The following MYO18B variants were observed in gnomAD, a reference collection of about 807,000 sequenced individuals.
MYO18B encodes myosin XVIIIB.
In MYO18B, 204 loss-of-function variants were observed where a neutral mutation model predicts 273.0. The observed-to-expected ratio is 0.75, with a 90% CI of 0.67 to 0.84. The LOEUF is 0.84. Among genes scored for constraint, MYO18B ranks in the 40% least tolerant of loss-of-function variants. The pLI is 0.00. For missense variants in MYO18B, 3,212 were observed against 3,287.6 expected, an observed-to-expected ratio of 0.98 and a Z score of 0.56; for synonymous variants, 1,330 against 1,305.7, an observed-to-expected ratio of 1.02 and a Z score of -0.40.
Position 25,828,870 on chromosome 22 carries a change from G to A in MYO18B, c.2881G>A (p.Ala961Thr). Residue 961 changes from alanine (A) to threonine (T), a missense_variant, in exon 15 of 44, where the codon GCC (alanine) becomes ACC (threonine). By Grantham distance (58) the Ala-to-Thr change is moderately conservative. Transcript: ENST00000335473. ...NPRHQGKDRA[A>T]TFEELCHNYA... ...CCGGCACCAGGGCAAGGACCGGGCG[G>A]CCACCTTTGAGGAGCTGTGCCACAA... 6.2e-7 allele frequency: 1 copy of A among 1,613,970 alleles called. No individual in the cohort carries two copies. Among genetic ancestry groups the A allele is most frequent in the South Asian group, 1.1e-5 (1 of 91,078 alleles).
At chr22:25,766,324 G>C (rs771383183) in intron 3 of MYO18B, among the ~76,000 whole-genome samples, 16 of 152,064 alleles carry the variant, frequency 1.1e-4, no homozygotes, top group Admixed American at 5.9e-4. Context: ...GCATGATGGT[G>C]ATATAGGGCT....
intron 39 of MYO18B, among the ~76,000 whole-genome samples, chr22:25,969,057 G>A (rs1368190565): frequency 6.6e-6 from 1 of 152,108 alleles, no homozygotes; most frequent in African/African-American, 2.4e-5. Context: ...TTCCATCTCT[G>A]TTATGCAACT....
Position 25,847,526 on chromosome 22 carries a change from C to T in MYO18B, c.3649C>T (p.Pro1217Ser), listed in dbSNP as rs1476250108. 1 of 1,575,782 alleles carries T rather than the reference C, an allele frequency of 6.3e-7. No homozygotes were observed. The highest frequency in any genetic ancestry group is 1.8e-5 in the Admixed American group (1 of 54,558). Reference sequence around the variant, plus strand: ...GGAAAGCAGGAGTGGGCAGGAATCTCCACCACCACCGCAGCCTGGTAGAGA... The same window carrying T: ...GGAAAGCAGGAGTGGGCAGGAATCTTCACCACCACCGCAGCCTGGTAGAGA... Reference protein sequence around the residue: ...VVESRSGQESPPPPQPGRDKP... With the variant: ...VVESRSGQESSPPPQPGRDKP... The change falls in exon 20 of 44, where the codon CCA becomes TCA. Residue 1217 changes from proline to serine, a missense_variant. Physicochemically the swap from Pro to Ser is moderately conservative, Grantham distance 74. Transcript: ENST00000335473.
the MYO18B span, among the ~76,000 whole-genome samples, chr22:26,039,177 A>T: frequency 6.6e-6 from 1 of 152,080 alleles, no homozygotes. Flanking sequence ...CAGATTGAGG[A>T]TGGGTCTTTC....
intron 39 of MYO18B, among the ~76,000 whole-genome samples, chr22:25,980,927 C>T (rs1832988775): frequency 6.6e-6 from 1 of 152,184 alleles, no homozygotes; most frequent in African/African-American, 2.4e-5. Context: ...CGGAAAGAAA[C>T]TATTCCATGC....
chr22:25,823,077 A>G (rs1269906147), intron 12 of MYO18B, among the ~76,000 whole-genome samples: 2 of 152,144 alleles, frequency 1.3e-5, no homozygotes, highest in African/African-American at 2.4e-5. Context: ...GGAGGAGGGC[A>G]GCAGGAGTAG....
the MYO18B span, among the ~76,000 whole-genome samples, chr22:26,046,866 G>A: frequency 6.6e-6 from 1 of 152,174 alleles, no homozygotes; most frequent in Non-Finnish European, 1.5e-5. Flanking sequence ...TGGGGTAGCT[G>A]GAAAGTCCAA....
chr22:25,793,839 A>G (rs1350984100), intron 11 of MYO18B, among the ~76,000 whole-genome samples: 1 of 152,196 alleles, frequency 6.6e-6, no homozygotes, highest in Non-Finnish European at 1.5e-5. Flanking sequence ...TTATCCATTG[A>G]TTTTTAAAAA....
chr22:25,842,054 G>A (rs778374270), intron 17 of MYO18B, among the ~76,000 whole-genome samples: 12 of 152,178 alleles, frequency 7.9e-5, no homozygotes, highest in Non-Finnish European at 1.3e-4. Flanking sequence ...GGTAACTTCC[G>A]TTATCCTGGA....
At chr22:25,929,076 C>T (rs1032457222) in intron 34 of MYO18B, among the ~76,000 whole-genome samples, 2 of 148,412 alleles carry the variant, frequency 1.3e-5, no homozygotes, top group Non-Finnish European at 3.0e-5. Flanking sequence ...GCAGGAGAAT[C>T]GCTTGAACCT....
Position 25,903,840 on chromosome 22 carries a change from G to T in MYO18B, c.5148+9G>T. 1 of 1,589,010 alleles carries T rather than the reference G, an allele frequency of 6.3e-7. No individual in the cohort carries two copies. Among genetic ancestry groups the T allele is most frequent in the Non-Finnish European group, 8.6e-7 (1 of 1,168,242 alleles). On this transcript the variant is annotated intron_variant, in intron 31 of 43. Transcript: ENST00000335473. ...TCAAGCAGCTGGAGCAGGTAGGAAA[G>T]CCCTGTCTCAGGGCAACACCCTGTC...
In MYO18B at chr22:25,768,711, G is replaced by T; in HGVS notation, c.795G>T (p.Gly265=). 6.3e-7 allele frequency: 1 copy of T among 1,583,216 alleles called. No individual in the cohort carries two copies. Among genetic ancestry groups the T allele is most frequent in the Non-Finnish European group, 8.6e-7 (1 of 1,165,604 alleles). Reference sequence around the variant, plus strand: ...AGCCCCAGGGCAAAGACAGGCAGGGGACCAGGCCCCAAGCCCAAGGGCCCG... The same window carrying T: ...AGCCCCAGGGCAAAGACAGGCAGGGTACCAGGCCCCAAGCCCAAGGGCCCG... ...EAEPQGKDRQ[G]TRPQAQGPGE... The change falls in exon 4 of 44, where the codon GGG becomes GGT. Residue 265 remains glycine (G), a synonymous_variant. Transcript: ENST00000335473.
intron 39 of MYO18B, among the ~76,000 whole-genome samples, chr22:25,977,272 G>A (rs1024774111): frequency 2.7e-5 from 4 of 146,218 alleles, no homozygotes; most frequent in Admixed American, 6.7e-5. Context: ...GGGGTGATCC[G>A]ATTTTCCAAC....
At chr22:25,902,574 C>A in intron 29 of MYO18B, 39 bp from the exon 30 acceptor site, 1 of 1,587,430 alleles carries the variant, frequency 6.3e-7, no homozygotes, top group East Asian at 2.3e-5. Context: ...CCCTGCCCAC[C>A]TGCCTACGGG....
At chr22:25,824,968 G>T (rs1053125166) in intron 13 of MYO18B, among the ~76,000 whole-genome samples, 1 of 151,888 alleles carries the variant, frequency 6.6e-6, no homozygotes, top group East Asian at 1.9e-4. Flanking sequence ...AGCATACACA[G>T]CACACACACA....
intron 25 of MYO18B, 144 bp downstream of exon 25, chr22:25,878,192 T>C (rs1188865575): frequency 3.2e-6 from 2 of 625,714 alleles, no homozygotes; most frequent in East Asian, 3.2e-5. Context: ...CATGCTGTTA[T>C]TGAACCCATT....
Position 25,769,085 on chromosome 22 carries a change from A to G in MYO18B, c.1169A>G (p.Asp390Gly). 6.2e-7 allele frequency: 1 copy of G among 1,613,170 alleles called. No homozygotes were observed. The highest frequency in any genetic ancestry group is 8.5e-7 in the Non-Finnish European group (1 of 1,179,556). The change falls in exon 4 of 44, where the codon GAT (aspartate) becomes GGT (glycine). Residue 390 changes from aspartate to glycine, a missense_variant. By Grantham distance (94) the Asp-to-Gly change is moderately conservative. Coordinates refer to ENST00000335473, the MANE Select transcript of MYO18B (RefSeq NM_032608.7). The stretch of plus-strand genomic sequence containing the variant: ...ACTGGGAAGGCAGGTGAGTCCTGGG[A>G]TAAGAAGGAAAAGATGGGGCAACCC... ...STTGKAGESW[D>G]KKEKMGQPQG...
chr22:25,888,142 A>T (rs182440151), intron 25 of MYO18B, among the ~76,000 whole-genome samples: 1 of 152,194 alleles, frequency 6.6e-6, no homozygotes, highest in African/African-American at 2.4e-5. Flanking sequence ...GGCAGTTTCT[A>T]TGGCAGTAAT....
chr22:25,816,663 A>C (rs2089025169), intron 12 of MYO18B, among the ~76,000 whole-genome samples: 1 of 152,226 alleles, frequency 6.6e-6, no homozygotes, highest in Non-Finnish European at 1.5e-5. Context: ...CAAGCACTCC[A>C]TGGAGTGAAT....
Sources: gnomAD v4.1 joint callset for allele counts (sites outside exome capture counted in the v4.1 genomes callset) on GRCh38, gnomAD v4.1.1 for gene constraint, MANE v1.5 for transcripts, NCBI Gene and HGNC (gene_info 2026-07-23, HGNC 2026-07-21) for gene names.